PKN2: variants seen among roughly 807,000 people sequenced by gnomAD.
The protein encoded by PKN2 is protein kinase N2, also known as serine/threonine-protein kinase N2.
A neutral mutation model predicts 119.1 loss-of-function variants in PKN2; 38 were observed. The ratio of observed to expected loss-of-function variants is 0.32; its 90% CI spans 0.25 to 0.42. PKN2 has a LOEUF of 0.42. PKN2 is among the 10% of genes least tolerant of loss of function. The pLI, the probability that PKN2 is intolerant of heterozygous loss-of-function variation, is 1.00. For missense variants in PKN2, 850 were observed against 1,165.1 expected (o/e 0.73, Z 3.94); for synonymous variants, 390 against 384.9 (o/e 1.01, Z -0.15).
At chr1:88,761,634 A>G (rs1208049250) in intron 3 of PKN2, among the ~76,000 whole-genome samples, 3 of 149,108 alleles carry the variant, frequency 2.0e-5, no homozygotes, top group Non-Finnish European at 4.5e-5. Context: ...AAAAAAAAAA[A>G]GACATTAGGG....
chr1:88,696,161 C>G (rs1463900125), intron 1 of PKN2, among the ~76,000 whole-genome samples: 1 of 152,162 alleles, frequency 6.6e-6, no homozygotes, highest in Non-Finnish European at 1.5e-5. Context: ...AACTCCTTTT[C>G]TACCTTAAAT....
chr1:88,702,765 G>A (rs1051431999), intron 1 of PKN2, among the ~76,000 whole-genome samples: 3 of 152,158 alleles, frequency 2.0e-5, no homozygotes, highest in African/African-American at 7.2e-5. Context: ...GGTTTCATGA[G>A]ATATTCTAGT....
Position 88,693,768 on chromosome 1 carries a change from G to T in PKN2, c.48+9140G>T, listed in dbSNP as rs116838507. On this transcript the variant is annotated intron_variant, in intron 1 of 21. Coordinates refer to ENST00000370521, the MANE Select transcript of PKN2 (RefSeq NM_006256.4). Reference sequence around the variant, plus strand: ...AAACAGCATTATTAAAGGACCTGAAGCACATTGTTTTTCTTAAAGTCTCAG... The same window carrying T: ...AAACAGCATTATTAAAGGACCTGAATCACATTGTTTTTCTTAAAGTCTCAG... Among the ~76,000 whole-genome samples the T allele has an allele frequency of 4.2e-3, 638 of 152,280 alleles. 5 individuals are homozygous for T. Among genetic ancestry groups the T allele is most frequent in the African/African-American group, 0.015 (611 of 41,544 alleles).
At chr1:88,824,181 T>G (rs1292642114) in intron 17 of PKN2, 129 bp from the exon 18 acceptor site, 8 of 571,136 alleles carry the variant, frequency 1.4e-5, no homozygotes, top group South Asian at 5.0e-5. Flanking sequence ...AAATCTCAAA[T>G]CATAACTTGG....
At chr1:88,802,486 G>A (rs149874612) in intron 8 of PKN2, among the ~76,000 whole-genome samples, 9 of 152,094 alleles carry the variant, frequency 5.9e-5, no homozygotes, top group African/African-American at 1.2e-4. Context: ...CACCACGCCC[G>A]GCTAACTTTT....
At chr1:88,768,031 G>GC (rs762077696) in intron 3 of PKN2, among the ~76,000 whole-genome samples, 9,455 of 152,124 alleles carry the variant, frequency 0.062, no homozygotes, top group African/African-American at 0.16. Flanking sequence ...TAAAAATAGA[G>GC]ATGCTTAAAT....
At chr1:88,779,339 TTC>T (rs1670235881) in intron 6 of PKN2, among the ~76,000 whole-genome samples, 1 of 152,200 alleles carries the variant, frequency 6.6e-6, no homozygotes, top group Admixed American at 6.5e-5. Flanking sequence ...TTCTGAAAGT[TTC>T]TGTCAGTTTC....
At chr1:88,700,929 A>T (rs1557548485) in intron 1 of PKN2, among the ~76,000 whole-genome samples, 1 of 152,134 alleles carries the variant, frequency 6.6e-6, no homozygotes, top group Non-Finnish European at 1.5e-5. Context: ...TTTGGTATTT[A>T]TGAGGGAGCA....
At chr1:88,817,463 T>C (rs1310554805) in intron 16 of PKN2, among the ~76,000 whole-genome samples, 4 of 147,314 alleles carry the variant, frequency 2.7e-5, no homozygotes, top group Admixed American at 2.0e-4. Context: ...ATCCCAGCAC[T>C]TTAGGAGGCC....
At chr1:88,794,053 C>G (rs1487646633) in intron 8 of PKN2, among the ~76,000 whole-genome samples, 2 of 152,138 alleles carry the variant, frequency 1.3e-5, no homozygotes, top group African/African-American at 4.8e-5. Context: ...ATGAACTGTG[C>G]TACACAAATT....
At chr1:88,813,853 A>G (rs1671877214) in intron 16 of PKN2, 120 bp downstream of exon 16, 2 of 716,958 alleles carry the variant, frequency 2.8e-6, no homozygotes, top group South Asian at 2.3e-5. Context: ...TCTGCAAGAA[A>G]TACTAGAACT....
chr1:88,771,181 A>G (rs1428592023), intron 4 of PKN2, among the ~76,000 whole-genome samples: 2 of 152,080 alleles, frequency 1.3e-5, no homozygotes, highest in African/African-American at 4.8e-5. Context: ...CCATGTTACA[A>G]TATTTGGATA....
intron 2 of PKN2, among the ~76,000 whole-genome samples, chr1:88,755,806 AT>A (rs1453586465): frequency 6.6e-6 from 1 of 151,892 alleles, no homozygotes; most frequent in Admixed American, 6.6e-5. Context: ...CCATTTTCTT[AT>A]TTCTTATATT....
chr1:88,737,099 G>A (rs1431312002), intron 1 of PKN2, among the ~76,000 whole-genome samples: 6 of 152,060 alleles, frequency 3.9e-5, no homozygotes, highest in Non-Finnish European at 7.4e-5. Flanking sequence ...GGAGCAGGCA[G>A]TATTGTGGCC....
chr1:88,750,289 G>A lies in PKN2; in HGVS notation c.349+9001G>A, dbSNP rs542098108. Among the ~76,000 whole-genome samples the A allele has an allele frequency of 9.9e-5, 15 of 152,248 alleles. No individual in the cohort carries two copies. The East Asian group carries it at 1.3e-3, about 14-fold the overall frequency. On this transcript the variant is annotated intron_variant, in intron 2 of 21. Coordinates refer to ENST00000370521, the MANE Select transcript of PKN2 (RefSeq NM_006256.4). Reference sequence around the variant, plus strand: ...TATTCCTAATCTCCAACACAATCAAGGAATCAGGGTAAGGCTAGACCTTAA... The same window carrying A: ...TATTCCTAATCTCCAACACAATCAAAGAATCAGGGTAAGGCTAGACCTTAA...
intron 8 of PKN2, among the ~76,000 whole-genome samples, chr1:88,800,807 G>T (rs1460888056): frequency 6.6e-6 from 1 of 152,026 alleles, no homozygotes; most frequent in Non-Finnish European, 1.5e-5. Flanking sequence ...TTTACTTTCA[G>T]ATCTTAGACT....
At chr1:88,761,960 A>G (rs1669465485) in intron 3 of PKN2, among the ~76,000 whole-genome samples, 1 of 152,090 alleles carries the variant, frequency 6.6e-6, no homozygotes, top group Non-Finnish European at 1.5e-5. Flanking sequence ...CTGCGATTTT[A>G]GCACATTATA....
At chr1:88,763,266 C>T (rs1195445046) in intron 3 of PKN2, among the ~76,000 whole-genome samples, 11 of 152,200 alleles carry the variant, frequency 7.2e-5, no homozygotes, top group African/African-American at 2.7e-4. Context: ...AAGCAGGGAG[C>T]TCCTTTTCGC....
intron 6 of PKN2, chr1:88,781,266 G>C (rs1670331082): frequency 1.6e-6 from 1 of 616,498 alleles, no homozygotes. Context: ...ACTGAAATTT[G>C]CCAGTTTGTT....
Sources: allele counts gnomAD v4.1 joint callset (sites outside exome capture counted in the v4.1 genomes callset), GRCh38; gene constraint gnomAD v4.1.1; transcripts MANE v1.5; gene names NCBI Gene and HGNC (gene_info 2026-07-23, HGNC 2026-07-21).